The following KCNK4 variants were observed in gnomAD, a reference collection of about 807,000 sequenced individuals.
KCNK4 encodes the protein potassium two pore domain channel subfamily K member 4, also known as potassium channel subfamily K member 4.
A neutral mutation model predicts 28.8 loss-of-function variants in KCNK4; 22 were observed. That is an observed-to-expected ratio of 0.76 (90% CI 0.55 to 1.09). The LOEUF (loss-of-function observed/expected upper bound fraction) is 1.09. Among genes scored for constraint, KCNK4 ranks in the 50% least tolerant of loss-of-function variants. The probability of loss-of-function intolerance (pLI) is 0.00; values close to 1 mark genes in which losing one functional copy is unlikely to be tolerated. For missense variants in KCNK4, 483 were observed against 546.3 expected, an observed-to-expected ratio of 0.88 and a Z score of 1.15; for synonymous variants, 263 against 252.9, an observed-to-expected ratio of 1.04 and a Z score of -0.38.
Position 64,299,399 on chromosome 11 carries a change from C to T in KCNK4, c.855C>T (p.Arg285=), listed in dbSNP as rs1405213587. 3.8e-6 allele frequency: 6 copies of T among 1,572,090 alleles called. No homozygotes were observed. Among genetic ancestry groups the T allele is most frequent in the Admixed American group, 3.7e-5 (2 of 54,412 alleles). ...GCTGGACTGGCACGGTGACAGCGCG[C>T]GTGACCCAGCGAGCCGGGCCCGCCG... ...AASWTGTVTA[R]VTQRAGPAAP... The change falls in exon 7 of 7, where the codon CGC becomes CGT. Residue 285 remains arginine, a synonymous_variant. Transcript: ENST00000422670.
chr11:64,298,314 G>A, intron 6 of KCNK4, 65 bp downstream of exon 6: 1 of 1,589,440 alleles, frequency 6.3e-7, no homozygotes, highest in Admixed American at 1.7e-5. Context: ...TCCCTAGCAG[G>A]GGGTTGATCA....
chr11:64,294,449 C>T (rs2034715495), intron 2 of KCNK4, among the ~76,000 whole-genome samples: 1 of 136,440 alleles, frequency 7.3e-6, no homozygotes, highest in African/African-American at 2.8e-5. Context: ...ACCCAGGAGG[C>T]AGAGATTGCA....
intron 1 of KCNK4, chr11:64,291,944 T>G (rs2135223154): frequency 1.2e-6 from 1 of 865,648 alleles, no homozygotes; most frequent in East Asian, 1.1e-4. Context: ...GGCGTCGCTG[T>G]GCGGACGCGG....
intron 2 of KCNK4, among the ~76,000 whole-genome samples, chr11:64,294,412 G>C (rs1372637893): frequency 6.6e-6 from 1 of 151,082 alleles, no homozygotes; most frequent in Non-Finnish European, 1.5e-5. Flanking sequence ...CAGCTACTCG[G>C]GAGGCTGAGG....
chr11:64,297,796 C>A, intron 5 of KCNK4, 143 bp downstream of exon 5: 1 of 842,674 alleles, frequency 1.2e-6, no homozygotes, highest in South Asian at 1.8e-5. Context: ...CAGCCTTGCA[C>A]ACACACCAGC....
Position 64,299,886 on chromosome 11 carries a change from C to A in KCNK4, c.*160C>A. ...CTCCCTGGCCCCGGCCCTTCCCTCA[C>A]TTCCATCCATCTCTAGACCCCCCCA... On this transcript the variant is annotated 3_prime_UTR_variant, in exon 7 of 7. Transcript: ENST00000422670. The A allele has an allele frequency of 7.1e-7, 1 of 1,409,208 alleles. No homozygotes were observed. The highest frequency in any genetic ancestry group is 9.6e-7 in the Non-Finnish European group (1 of 1,037,618). The allele number at this position is 1,409,208 out of a possible 1,614,324, so 87.3% of individuals were successfully genotyped here. A position where few individuals can be genotyped will look rare whatever the true frequency, so the allele number is the denominator to read the frequency against.
intron 5 of KCNK4, 139 bp downstream of exon 5, chr11:64,297,792 T>G (rs1489401013): frequency 2.3e-6 from 2 of 868,482 alleles, no homozygotes; most frequent in Non-Finnish European, 3.5e-6. Flanking sequence ...ATCACAGCCT[T>G]GCACACACAC....
At position 64,293,161 on chromosome 11, in the gene KCNK4, G is replaced by A. The variant is rs1205822746; in HGVS notation, c.143G>A (p.Arg48Lys). ...GGGGAGGTCCGAGAGAAGTTCCTGA[G>A]GGCCCATCCGTGTGTGAGCGACCAG... is the stretch of plus-strand genomic sequence containing the variant. Reference protein sequence around the residue: ...ELGEVREKFLRAHPCVSDQEL... With the variant: ...ELGEVREKFLKAHPCVSDQEL... The change falls in exon 2 of 7, where the codon AGG becomes AAG. Residue 48 changes from arginine (R) to lysine (K), a missense_variant. Arg to Lys is a conservative substitution (Grantham distance 26). Transcript: ENST00000422670. 1 of 1,524,522 alleles carries A rather than the reference G, an allele frequency of 6.6e-7. No individual in the cohort carries two copies. Among genetic ancestry groups the A allele is most frequent in the Non-Finnish European group, 8.8e-7 (1 of 1,132,694 alleles). The allele number at this position is 1,524,522 out of a possible 1,614,324, so 94.4% of individuals were successfully genotyped here. A position where few individuals can be genotyped will look rare whatever the true frequency, so the allele number is the denominator to read the frequency against.
intron 6 of KCNK4, 120 bp from the exon 7 acceptor site, chr11:64,299,225 TG>T: frequency 1.0e-6 from 1 of 965,074 alleles, no homozygotes; most frequent in Non-Finnish European, 1.4e-6. Context: ...TGGCTGAGGC[TG>T]GAGGACCAGG....
chr11:64,299,236 G>A, intron 6 of KCNK4, 110 bp from the exon 7 acceptor site: 2 of 1,046,666 alleles, frequency 1.9e-6, no homozygotes, highest in South Asian at 1.9e-5. Flanking sequence ...GGAGGACCAG[G>A]CAGAAAAGAG....
chr11:64,297,446 GCCTAC>G lies in KCNK4; in HGVS notation c.475-20_475-16del. On this transcript the variant is annotated splice_polypyrimidine_tract_variant and intron_variant, in intron 4 of 6. Transcript: ENST00000422670. ...GGATTGTTGGTGTCTCCTGGGTCCT[GCCTAC>G]TGCCCCATCCCGCAGAAGTGGCACG... The G allele has an allele frequency of 6.2e-7, 1 of 1,613,236 alleles. No homozygotes were observed. The highest frequency in any genetic ancestry group is 8.5e-7 in the Non-Finnish European group (1 of 1,179,480).
intron 1 of KCNK4, chr11:64,292,054 C>T: frequency 8.8e-7 from 1 of 1,134,700 alleles, no homozygotes; most frequent in Non-Finnish European, 1.1e-6. Context: ...TCTGGGTGCC[C>T]TGGCGCGGCC....
At chr11:64,297,335 A>T (rs2034796370) in intron 4 of KCNK4, 56 bp downstream of exon 4, 1 of 1,581,538 alleles carries the variant, frequency 6.3e-7, no homozygotes, top group African/African-American at 1.3e-5. Flanking sequence ...ACCCTTCCCC[A>T]TGTCCCTGGC....
Position 64,299,693 on chromosome 11 carries a change from C to T in KCNK4, c.1149C>T (p.Pro383=), listed in dbSNP as rs1425281484. Residue 383 remains proline (P), a synonymous_variant, in exon 7 of 7, where the codon CCC becomes CCT. Coordinates refer to ENST00000422670, the MANE Select transcript of KCNK4 (RefSeq NM_033310.3). ...PPRKPVRPRG[P]GRPRDKGVPV ...GGAAGCCCGTGCGGCCCCGCGGCCC[C>T]GGGCGTCCCCGAGACAAAGGCGTGC... 1.9e-6 allele frequency: 3 copies of T among 1,566,888 alleles called. No individual in the cohort carries two copies. The highest frequency in any genetic ancestry group is 2.3e-5 in the East Asian group (1 of 42,850).
intron 6 of KCNK4, among the ~76,000 whole-genome samples, chr11:64,298,634 G>T (rs2034838698): frequency 6.6e-6 from 1 of 152,142 alleles, no homozygotes; most frequent in Admixed American, 6.5e-5. Flanking sequence ...AGTGGGTCAT[G>T]ATTGCACCAC....
In KCNK4 at chr11:64,297,452, T is replaced by C. The variant is rs1445284746; in HGVS notation, c.475-15T>C. 1.2e-6 allele frequency: 2 copies of C among 1,613,730 alleles called. No homozygotes were observed. The highest frequency in any genetic ancestry group is 1.7e-6 in the Non-Finnish European group (2 of 1,179,780). ...TTGGTGTCTCCTGGGTCCTGCCTACTGCCCCATCCCGCAGAAGTGGCACGT... is the reference window on the plus strand; with the variant it reads ...TTGGTGTCTCCTGGGTCCTGCCTACCGCCCCATCCCGCAGAAGTGGCACGT... On this transcript the variant is annotated splice_polypyrimidine_tract_variant and intron_variant, in intron 4 of 6. Coordinates refer to ENST00000422670, the MANE Select transcript of KCNK4 (RefSeq NM_033310.3).
chr11:64,299,860 C>G lies in KCNK4; in HGVS notation c.*134C>G. ...GGAGGCTACAGTTGCCTCTCCGCCT[C>G]CTCCCTGGCCCCGGCCCTTCCCTCA... On this transcript the variant is annotated 3_prime_UTR_variant, in exon 7 of 7. Coordinates refer to ENST00000422670, the MANE Select transcript of KCNK4 (RefSeq NM_033310.3). The G allele has an allele frequency of 6.7e-7, 1 of 1,500,822 alleles. No individual in the cohort carries two copies. Among genetic ancestry groups the G allele is most frequent in the Non-Finnish European group, 9.0e-7 (1 of 1,116,492 alleles). 93.0% of individuals were successfully genotyped at this position (1,500,822 alleles called of 1,614,324 possible).
intron 1 of KCNK4, chr11:64,291,962 G>T: frequency 9.8e-7 from 1 of 1,015,462 alleles, no homozygotes; most frequent in Non-Finnish European, 1.3e-6. Context: ...CGGGGGAGGC[G>T]GTGGGAGCGA....
At chr11:64,291,992 G>C in intron 1 of KCNK4, 1 of 1,164,188 alleles carries the variant, frequency 8.6e-7, no homozygotes, top group Non-Finnish European at 1.1e-6. Flanking sequence ...GCTGCGCGGT[G>C]GCCCTGCTGT....
Sources: gnomAD v4.1 joint callset for allele counts (sites outside exome capture counted in the v4.1 genomes callset) on GRCh38, gnomAD v4.1.1 for gene constraint, MANE v1.5 for transcripts, NCBI Gene and HGNC (gene_info 2026-07-23, HGNC 2026-07-21) for gene names.